The following ANKRD13C variants were observed in gnomAD, a reference collection of about 807,000 sequenced individuals.
ANKRD13C encodes the protein ankyrin repeat domain 13C.
ANKRD13C carries 16 observed loss-of-function variants against 65.5 expected under a neutral mutation model. That is an observed-to-expected ratio of 0.24 (90% confidence interval 0.17 to 0.37). The LOEUF is 0.37. ANKRD13C is among the 10% of genes least tolerant of loss of function. ANKRD13C has a pLI of 1.00. For synonymous variants in ANKRD13C, 235 were observed against 238.7 expected (o/e 0.98, Z 0.14); for missense variants, 503 against 655.9 (o/e 0.77, Z 2.55).
intron 12 of ANKRD13C, 114 bp from the exon 13 acceptor site, chr1:70,262,961 TACTC>T (rs1323034183): frequency 3.7e-6 from 2 of 542,176 alleles, no homozygotes; most frequent in Non-Finnish European, 5.7e-6. Flanking sequence ...AAAAAAAAAA[TACTC>T]AAGAACCAGA....
chr1:70,314,108 C>T (rs969584725), intron 4 of ANKRD13C, among the ~76,000 whole-genome samples: 2 of 151,620 alleles, frequency 1.3e-5, no homozygotes, highest in African/African-American at 4.8e-5. Flanking sequence ...ATTTGTATAA[C>T]CTCATAATGG....
chr1:70,268,171 T>C lies in ANKRD13C; in HGVS notation c.1495+2685A>G, dbSNP rs142997780. On this transcript the variant is annotated intron_variant, in intron 12 of 12. Transcript: ENST00000370944. ...TATGAAGTCACTCATACAGCTAGCTTCCCCGCCCCCACCTTGAGACAGAGT... is the reference window on the plus strand; with the variant it reads ...TATGAAGTCACTCATACAGCTAGCTCCCCCGCCCCCACCTTGAGACAGAGT... 2.5e-3 allele frequency among the ~76,000 whole-genome samples: 383 copies of C among 151,246 alleles called. 3 individuals carry two copies. The highest frequency in any genetic ancestry group is 8.8e-3 in the African/African-American group (358 of 40,780).
intron 4 of ANKRD13C, among the ~76,000 whole-genome samples, chr1:70,315,096 TG>T (rs1681018590): frequency 6.6e-6 from 1 of 152,050 alleles, no homozygotes; most frequent in African/African-American, 2.4e-5. Flanking sequence ...AAAAATTAGC[TG>T]GGCGACAGAG....
At chr1:70,281,719 T>C (rs1296050882) in intron 9 of ANKRD13C, among the ~76,000 whole-genome samples, 2 of 150,934 alleles carry the variant, frequency 1.3e-5, no homozygotes, top group Admixed American at 1.3e-4. Flanking sequence ...TTCTAACCAA[T>C]GGAATGTGAG....
At chr1:70,302,780 T>C (rs1156761926) in intron 6 of ANKRD13C, among the ~76,000 whole-genome samples, 1 of 147,256 alleles carries the variant, frequency 6.8e-6, no homozygotes, top group Non-Finnish European at 1.5e-5. Context: ...AAGGGACTCT[T>C]CCCCTATCTC....
chr1:70,259,724 G>A lies in ANKRD13C; in HGVS notation c.*2993C>T, dbSNP rs909295418. On this transcript the variant is annotated 3_prime_UTR_variant, in exon 13 of 13. Transcript: ENST00000370944. ...AATACCTCCTGTCCATTTCTCTAGT[G>A]GGGGCAAGTTTTACACCAGTTGCTT... 5.3e-5 allele frequency among the ~76,000 whole-genome samples: 8 copies of A among 152,128 alleles called. No homozygotes were observed. The highest frequency in any genetic ancestry group is 1.9e-4 in the African/African-American group (8 of 41,424).
At chr1:70,300,115 T>C (rs1316297303) in intron 7 of ANKRD13C, among the ~76,000 whole-genome samples, 1 of 151,936 alleles carries the variant, frequency 6.6e-6, no homozygotes, top group Non-Finnish European at 1.5e-5. Context: ...GTCAACAACA[T>C]TAAAAGAAGG....
At chr1:70,272,990 A>AAAATAAATAAAT (rs56932890) in intron 11 of ANKRD13C, among the ~76,000 whole-genome samples, 3,213 of 147,142 alleles carry the variant, frequency 0.022, 37 homozygotes, top group South Asian at 0.052. Context: ...TCTGTCTCAA[A>AAAATAAATAAAT]AAATAAATAA....
At position 70,259,586 on chromosome 1, in the gene ANKRD13C, C is replaced by A. The variant is rs779239289; in HGVS notation, c.*3131G>T. Among the ~76,000 whole-genome samples the A allele has an allele frequency of 2.0e-4, 31 of 152,236 alleles. No homozygotes were observed. Among genetic ancestry groups the A allele is most frequent in the Admixed American group, 1.3e-4 (2 of 15,286 alleles). On this transcript the variant is annotated 3_prime_UTR_variant, in exon 13 of 13. Coordinates refer to ENST00000370944, the MANE Select transcript of ANKRD13C (RefSeq NM_030816.5). ...CAACCAGAGTTAGTTACTATTGCCC[C>A]AGATTTCTGACATAAAATGCTTTGC...
At chr1:70,265,843 A>G (rs1193585082) in intron 12 of ANKRD13C, among the ~76,000 whole-genome samples, 3 of 148,930 alleles carry the variant, frequency 2.0e-5, no homozygotes, top group South Asian at 2.1e-4. Context: ...AAAAAAAAAA[A>G]AAAAAAAAGA....
chr1:70,344,627 A>C (rs1379884075), intron 1 of ANKRD13C, among the ~76,000 whole-genome samples: 8 of 152,162 alleles, frequency 5.3e-5, no homozygotes, highest in Non-Finnish European at 1.2e-4. Context: ...TCAAGAAGAA[A>C]AATAGACCTA....
intron 1 of ANKRD13C, among the ~76,000 whole-genome samples, chr1:70,340,799 C>T (rs1444088349): frequency 6.6e-6 from 1 of 152,114 alleles, no homozygotes; most frequent in Non-Finnish European, 1.5e-5. Context: ...ACCTTTTTCT[C>T]AGATAATGTT....
At chr1:70,307,722 C>T (rs1366367432) in intron 5 of ANKRD13C, among the ~76,000 whole-genome samples, 1 of 151,878 alleles carries the variant, frequency 6.6e-6, no homozygotes, top group Non-Finnish European at 1.5e-5. Flanking sequence ...GGCAGGAGGA[C>T]TGTTTGAGCC....
chr1:70,269,323 C>G (rs1678778113), intron 12 of ANKRD13C, among the ~76,000 whole-genome samples: 1 of 151,966 alleles, frequency 6.6e-6, no homozygotes, highest in South Asian at 2.1e-4. Flanking sequence ...GAAAATATTT[C>G]CTTTGCATAA....
At chr1:70,321,676 T>C (rs942906735) in intron 3 of ANKRD13C, among the ~76,000 whole-genome samples, 3 of 152,184 alleles carry the variant, frequency 2.0e-5, no homozygotes, top group Admixed American at 6.6e-5. Context: ...AAAAAGGCTT[T>C]TTAGTTGTAT....
At chr1:70,346,427 T>C (rs917469587) in intron 1 of ANKRD13C, among the ~76,000 whole-genome samples, 1 of 152,158 alleles carries the variant, frequency 6.6e-6, no homozygotes, top group Non-Finnish European at 1.5e-5. Context: ...ACCAGTGCTT[T>C]TGAACCACCA....
At chr1:70,275,208 T>C (rs1443763617) in intron 10 of ANKRD13C, among the ~76,000 whole-genome samples, 4 of 152,334 alleles carry the variant, frequency 2.6e-5, no homozygotes, top group South Asian at 2.1e-4. Flanking sequence ...CAATAAGAAA[T>C]ATTGTGAAGA....
chr1:70,295,980 A>G, intron 8 of ANKRD13C, 150 bp downstream of exon 8: 1 of 835,634 alleles, frequency 1.2e-6, no homozygotes, highest in Non-Finnish European at 1.8e-6. Context: ...CTAACCATCC[A>G]TTATAATTCC....
In ANKRD13C at chr1:70,260,779, AGTCTTCCTACCTCCAGTGTACCCCAG is replaced by A. The variant is rs1332572966; in HGVS notation, c.*1912_*1937del. The A allele has an allele frequency of 6.6e-6, 1 of 152,172 alleles. No individual in the cohort carries two copies. Among genetic ancestry groups the A allele is most frequent in the African/African-American group, 2.4e-5 (1 of 41,450 alleles). 9.4% of individuals were successfully genotyped at this position (152,172 alleles called of 1,614,324 possible). On this transcript the variant is annotated 3_prime_UTR_variant, in exon 13 of 13. Coordinates refer to ENST00000370944, the MANE Select transcript of ANKRD13C (RefSeq NM_030816.5). Reference sequence around the variant, plus strand: ...AAATTCAAGTGCAAAAATTTCCAGTAGTCTTCCTACCTCCAGTGTACCCCAGCAAAATATTCATAGCTGTGCTGTTA... The same window carrying A: ...AAATTCAAGTGCAAAAATTTCCAGTACAAAATATTCATAGCTGTGCTGTTA...
Sources: gnomAD v4.1 joint callset for allele counts (sites outside exome capture counted in the v4.1 genomes callset) on GRCh38, gnomAD v4.1.1 for gene constraint, MANE v1.5 for transcripts, NCBI Gene and HGNC (gene_info 2026-07-23, HGNC 2026-07-21) for gene names.